Variants in DOP1B observed in about 807,000 individuals in gnomAD.
DOP1B encodes protein DOP1B.
DOP1B carries 174 observed loss-of-function variants against 233.5 expected under a neutral mutation model. That is an observed-to-expected ratio of 0.75 (90% CI 0.66 to 0.85). The LOEUF (loss-of-function observed/expected upper bound fraction) is 0.85, where lower values mean the gene tolerates loss of function less well. DOP1B is among the 40% of genes least tolerant of loss of function. The pLI is 0.00. For synonymous variants in DOP1B, 1,190 were observed against 1,185.6 expected (o/e 1.00, Z -0.08); for missense variants, 2,652 against 2,846.6 (o/e 0.93, Z 1.56).
intron 3 of DOP1B, 66 bp from the exon 4 acceptor site, chr21:36,200,265 T>G (rs1194243677): frequency 8.7e-6 from 13 of 1,499,942 alleles, no homozygotes; most frequent in Non-Finnish European, 4.4e-6. Context: ...CTCGGCTGGC[T>G]TGTCACCTGG....
Position 36,167,553 on chromosome 21 carries a change from A to G in DOP1B, c.138+2682A>G, listed in dbSNP as rs1174749478. ...CTTTTTCTTTATTGAGATAAAATTC[A>G]CATAACACAAAATTCACCATTTACC... On this transcript the variant is annotated intron_variant, in intron 2 of 36. Transcript: ENST00000691173. 7.9e-5 allele frequency among the ~76,000 whole-genome samples: 12 copies of G among 152,334 alleles called. No homozygotes were observed. The South Asian group carries it at 2.5e-3, about 32-fold the overall frequency.
chr21:36,247,031 C>T (rs138166179), intron 19 of DOP1B, among the ~76,000 whole-genome samples: 6 of 152,188 alleles, frequency 3.9e-5, no homozygotes, highest in East Asian at 1.9e-4. Context: ...AGGTGCCTAC[C>T]GCCACATCTG....
Position 36,293,979 on chromosome 21 carries a change from C to CA in DOP1B, c.*422dup, listed in dbSNP as rs56362056. 5.8e-3 allele frequency: 773 copies of CA among 132,692 alleles called. No homozygotes were observed. Among genetic ancestry groups the CA allele is most frequent in the South Asian group, 0.016 (70 of 4,474 alleles). 8.2% of individuals were successfully genotyped at this position (132,692 alleles called of 1,614,324 possible). ...CTGTGTGACAGAATGAGACCATCTC[C>CA]AAAAAAAAAAAAAAGTAGATTTCAG... is the stretch of plus-strand genomic sequence containing the variant. On this transcript the variant is annotated 3_prime_UTR_variant, in exon 37 of 37. Coordinates refer to ENST00000691173, the MANE Select transcript of DOP1B (RefSeq NM_001320714.2).
In DOP1B at chr21:36,245,226, C is replaced by T. The variant is rs374275435; in HGVS notation, c.3246C>T (p.Gly1082=). ...AGCCCGAGAAGTACCCGCTGCGAGG[C>T]GAGCTGAGCGAGGAAGAGCTGCCCT... is the stretch of plus-strand genomic sequence containing the variant. ...EKEPEKYPLR[G]ELSEEELPYY... is the part of the protein sequence containing the mutation. Residue 1082 remains glycine, a synonymous_variant, in exon 19 of 37, where the codon GGC becomes GGT. Transcript: ENST00000691173. The surrounding 1 kb of genome is among the most constrained non-coding windows in gnomAD (Gnocchi z 5.5). 34 of 1,614,082 alleles carry T rather than the reference C, an allele frequency of 2.1e-5. No homozygotes were observed. Among genetic ancestry groups the T allele is most frequent in the South Asian group, 9.9e-5 (9 of 91,082 alleles).
At chr21:36,183,596 G>T (rs368940190) in intron 2 of DOP1B, among the ~76,000 whole-genome samples, 1 of 152,356 alleles carries the variant, frequency 6.6e-6, no homozygotes, top group South Asian at 2.1e-4. Flanking sequence ...GGAGCAGGAC[G>T]CCTACAGAGC....
At position 36,246,631 on chromosome 21, in the gene DOP1B, G is replaced by A; in HGVS notation, c.4651G>A (p.Asp1551Asn). 6.2e-7 allele frequency: 1 copy of A among 1,614,046 alleles called. No homozygotes were observed. Among genetic ancestry groups the A allele is most frequent in the Non-Finnish European group, 8.5e-7 (1 of 1,180,016 alleles). Residue 1551 changes from aspartate (D) to asparagine (N), a missense_variant, in exon 19 of 37, where the codon GAC (aspartate) becomes AAC (asparagine). Asp to Asn is a conservative substitution (Grantham distance 23). This residue lies in a region of DOP1B where 2,617 missense variants were observed against 2,794.3 expected (regional missense o/e 0.94). Coordinates refer to ENST00000691173, the MANE Select transcript of DOP1B (RefSeq NM_001320714.2). The surrounding 1 kb of genome is among the most constrained non-coding windows in gnomAD (Gnocchi z 5.1). Reference sequence around the variant, plus strand: ...TGTCCAGATTTGCAAAAACTTGGATGACTTGGTCAAGCAGTATGAAAGCGA... The same window carrying A: ...TGTCCAGATTTGCAAAAACTTGGATAACTTGGTCAAGCAGTATGAAAGCGA... ...FVVQICKNLD[D>N]LVKQYESESV...
chr21:36,241,116 A>G, intron 18 of DOP1B, among the ~76,000 whole-genome samples: 1 of 152,086 alleles, frequency 6.6e-6, no homozygotes, highest in East Asian at 1.9e-4. Context: ...AACACGGTGA[A>G]ACCCCATCTC....
At chr21:36,263,005 C>T (rs952676264) in intron 24 of DOP1B, among the ~76,000 whole-genome samples, 22 of 151,852 alleles carry the variant, frequency 1.4e-4, no homozygotes, top group Admixed American at 2.6e-4. Flanking sequence ...GAGGCCGAGG[C>T]GGGTGGATCA....
chr21:36,263,556 C>G lies in DOP1B; in HGVS notation c.5326C>G (p.Pro1776Ala), dbSNP rs1475033731. The G allele has an allele frequency of 1.9e-6, 3 of 1,614,026 alleles. No individual in the cohort carries two copies. In the South Asian group the frequency reaches 3.3e-5, roughly 18 times the overall value. The change falls in exon 25 of 37, where the codon CCA (proline) becomes GCA (alanine). Residue 1776 changes from proline to alanine, a missense_variant. This residue lies in a region of DOP1B where 2,617 missense variants were observed against 2,794.3 expected (regional missense o/e 0.94). Transcript: ENST00000691173. The part of the protein sequence containing the change: ...CYAFLQRLPV[P>A]ALQENFSSLL... Reference sequence around the variant, plus strand: ...CTTTTAAAAAAACAGGCTCCCAGTACCAGCCTTGCAAGAGAACTTTTCTTC... The same window carrying G: ...CTTTTAAAAAAACAGGCTCCCAGTAGCAGCCTTGCAAGAGAACTTTTCTTC...
chr21:36,203,915 C>G (rs1404236854), intron 4 of DOP1B, among the ~76,000 whole-genome samples: 2 of 150,916 alleles, frequency 1.3e-5, no homozygotes, highest in Non-Finnish European at 2.9e-5. Context: ...AGCTACATAG[C>G]TGTGTTTTGC....
At position 36,293,316 on chromosome 21, in the gene DOP1B, G is replaced by T. The variant is rs776305610; in HGVS notation, c.6646-4G>T. 4 of 1,610,110 alleles carry T rather than the reference G, an allele frequency of 2.5e-6. No individual in the cohort carries two copies. In the East Asian group the frequency reaches 8.9e-5, roughly 36 times the overall value. On this transcript the variant is annotated splice_polypyrimidine_tract_variant and splice_region_variant and intron_variant, in intron 36 of 36. Coordinates refer to ENST00000691173, the MANE Select transcript of DOP1B (RefSeq NM_001320714.2). ...TCATTGTTATGGGTTTGTTTTTTCT[G>T]CAGGAAATCAGTAGCTCTGATGAGA...
chr21:36,162,726 G>A (rs1342431905), intron 1 of DOP1B, among the ~76,000 whole-genome samples: 1 of 151,918 alleles, frequency 6.6e-6, no homozygotes, highest in Non-Finnish European at 1.5e-5. Flanking sequence ...TTATTTTTTG[G>A]TAGAGATGGG....
chr21:36,218,882 G>A (rs780845243), intron 9 of DOP1B, among the ~76,000 whole-genome samples: 37 of 152,154 alleles, frequency 2.4e-4, no homozygotes, highest in Non-Finnish European at 4.6e-4. Flanking sequence ...TTTCTTTTGT[G>A]TTGCTCCAGC....
At position 36,292,131 on chromosome 21, in the gene DOP1B, G is replaced by A. The variant is rs371770755; in HGVS notation, c.6543G>A (p.Val2181=). 8.1e-6 allele frequency: 13 copies of A among 1,610,374 alleles called. No individual in the cohort carries two copies. The highest frequency in any genetic ancestry group is 8.0e-5 in the African/African-American group (6 of 74,588). Residue 2181 remains valine, a synonymous_variant, in exon 36 of 37, where the codon GTG becomes GTA. Coordinates refer to ENST00000691173, the MANE Select transcript of DOP1B (RefSeq NM_001320714.2). ...ATAGGTGGGCATTTATTCCAGAAGT[G>A]GACACAGAGGGCCCTGCCTTCCTGT... ...QIYRWAFIPE[V]DTEGPAFLSD...
chr21:36,212,148 T>C, intron 7 of DOP1B, 51 bp downstream of exon 7: 3 of 1,502,048 alleles, frequency 2.0e-6, no homozygotes, highest in Non-Finnish European at 2.7e-6. Context: ...TGAAACCTTT[T>C]AGTGCTGACT....
At chr21:36,170,950 G>A (rs1278370926) in intron 2 of DOP1B, among the ~76,000 whole-genome samples, 1 of 152,196 alleles carries the variant, frequency 6.6e-6, no homozygotes, top group Non-Finnish European at 1.5e-5. Context: ...TGCAAGATAC[G>A]GTTGGGACAA....
intron 27 of DOP1B, among the ~76,000 whole-genome samples, chr21:36,274,492 G>A (rs1378304432): frequency 6.6e-6 from 1 of 152,166 alleles, no homozygotes; most frequent in African/African-American, 2.4e-5. Flanking sequence ...GGAAATGATG[G>A]AAAAGAGAAG....
intron 21 of DOP1B, among the ~76,000 whole-genome samples, chr21:36,248,913 TGGC>T (rs2067000638): frequency 6.6e-6 from 1 of 152,002 alleles, no homozygotes; most frequent in South Asian, 2.1e-4. Context: ...AAGAACAGCC[TGGC>T]CAACATGGTG....
chr21:36,199,479 C>T (rs1051399066), intron 3 of DOP1B, among the ~76,000 whole-genome samples: 14 of 151,860 alleles, frequency 9.2e-5, no homozygotes, highest in African/African-American at 3.4e-4. Context: ...GGTACATATG[C>T]ACAACGTGCA....
Sources: allele counts gnomAD v4.1 joint callset (sites outside exome capture counted in the v4.1 genomes callset), GRCh38; gene constraint gnomAD v4.1.1; regional missense constraint gnomAD v4.1.1; non-coding constraint Gnocchi (gnomAD v3.1); transcripts MANE v1.5; gene names NCBI Gene and HGNC (gene_info 2026-07-23, HGNC 2026-07-21).